Variants in TRIO observed in about 807,000 individuals in gnomAD.
TRIO encodes the protein trio Rho guanine nucleotide exchange factor.
TRIO carries 58 observed loss-of-function variants against 351.9 expected under a neutral mutation model. The observed-to-expected ratio is 0.16, with a 90% CI of 0.13 to 0.21. The LOEUF is 0.21. Among genes scored for constraint, TRIO ranks in the 10% least tolerant of loss-of-function variants. The pLI is 1.00. For synonymous variants in TRIO, 1,758 were observed against 1,595.7 expected (o/e 1.10, Z -2.42); for missense variants, 3,201 against 4,027.8 (o/e 0.79, Z 5.56).
In TRIO at chr5:14,287,225, GA is replaced by G. The variant is rs1339595697; in HGVS notation, c.540+163del. On this transcript the variant is annotated intron_variant, in intron 4 of 56. Transcript: ENST00000344204. Reference sequence around the variant, plus strand: ...AAATTAGTTACTGCATGAAATAACAGAGCTGCGTTCATCATCCGAGTGGATT... The same window carrying G: ...AAATTAGTTACTGCATGAAATAACAGGCTGCGTTCATCATCCGAGTGGATT... The G allele has an allele frequency of 8.6e-6, 6 of 698,986 alleles. No individual in the cohort carries two copies. The African/African-American group carries it at 1.1e-4, about 13-fold the overall frequency. The allele number at this position is 698,986 out of a possible 1,614,324, so 43.3% of individuals were successfully genotyped here.
chr5:14,304,657 C>G, intron 8 of TRIO, 65 bp downstream of exon 8: 1 of 1,506,460 alleles, frequency 6.6e-7, no homozygotes, highest in South Asian at 1.3e-5. Context: ...ACACCGGAAG[C>G]TAGAAAAAAA....
intron 1 of TRIO, among the ~76,000 whole-genome samples, chr5:14,146,762 G>C (rs927828174): frequency 1.3e-5 from 2 of 152,196 alleles, no homozygotes; most frequent in African/African-American, 4.8e-5. Context: ...CTTTCTCTGA[G>C]TCCTCAGTGC....
intron 9 of TRIO, among the ~76,000 whole-genome samples, chr5:14,323,968 G>T (rs894388368): frequency 3.3e-5 from 5 of 152,124 alleles, no homozygotes; most frequent in Non-Finnish European, 7.3e-5. Context: ...TGGTTTAACC[G>T]ATCTGAAATG....
intron 1 of TRIO, among the ~76,000 whole-genome samples, chr5:14,179,449 CT>C (rs1166814399): frequency 0.044 from 6,311 of 142,660 alleles, 410 homozygotes; most frequent in African/African-American, 0.15. Flanking sequence ...ATCAACAAAG[CT>C]TTTTTTTTTT....
chr5:14,152,213 T>C (rs916151636), intron 1 of TRIO, among the ~76,000 whole-genome samples: 6 of 152,214 alleles, frequency 3.9e-5, no homozygotes, highest in African/African-American at 1.4e-4. Context: ...TTTAAGTTCA[T>C]GATTATGAGA....
rs187180517 is a variant in TRIO at position 14,254,143 on chromosome 5, C to T, written c.158-16682C>T. Among the ~76,000 whole-genome samples the T allele has an allele frequency of 2.4e-4, 37 of 152,118 alleles. 1 individual carries two copies. The East Asian group carries it at 4.3e-3, about 17-fold the overall frequency. ...ATAGTAAAGTAAGTAATAAATAGAA[C>T]CCACGTAATGCAGAAGCTCCTTGGA... On this transcript the variant is annotated intron_variant, in intron 1 of 56. Transcript: ENST00000344204.
intron 17 of TRIO, 88 bp from the exon 18 acceptor site, chr5:14,369,286 C>G: frequency 6.7e-7 from 1 of 1,498,854 alleles, no homozygotes; most frequent in Non-Finnish European, 8.9e-7. Context: ...CATCTTCATC[C>G]CCAGAGCCCG....
At chr5:14,229,990 G>A (rs914043875) in intron 1 of TRIO, among the ~76,000 whole-genome samples, 2 of 152,228 alleles carry the variant, frequency 1.3e-5, no homozygotes, top group Non-Finnish European at 2.9e-5. Context: ...TCCTAATGAA[G>A]GACTTGTGAC....
chr5:14,211,987 A>C (rs937805143), intron 1 of TRIO, among the ~76,000 whole-genome samples: 1 of 151,506 alleles, frequency 6.6e-6, no homozygotes, highest in African/African-American at 2.4e-5. Flanking sequence ...ACAAACAAAC[A>C]AAAAAACCAG....
chr5:14,170,008 G>GGGGAGA (rs530753082), intron 1 of TRIO, among the ~76,000 whole-genome samples: 12 of 152,162 alleles, frequency 7.9e-5, no homozygotes, highest in Non-Finnish European at 8.8e-5. Flanking sequence ...CAATGAAATT[G>GGGGAGA]GGGAGAGGGA....
At chr5:14,345,374 T>A (rs540513115) in intron 11 of TRIO, among the ~76,000 whole-genome samples, 1 of 152,234 alleles carries the variant, frequency 6.6e-6, no homozygotes, top group African/African-American at 2.4e-5. Context: ...GACTGTCCAC[T>A]GACTTCAGAT....
intron 41 of TRIO, among the ~76,000 whole-genome samples, chr5:14,478,713 G>A (rs1477841723): frequency 6.6e-6 from 1 of 151,300 alleles, no homozygotes; most frequent in African/African-American, 2.4e-5. Flanking sequence ...AACACTTTGG[G>A]CAGCCAAGGC....
intron 44 of TRIO, 107 bp from the exon 45 acceptor site, chr5:14,481,434 C>T (rs1208862165): frequency 2.7e-6 from 4 of 1,497,704 alleles, no homozygotes; most frequent in Non-Finnish European, 3.7e-6. Flanking sequence ...GCCCTGCACA[C>T]TAGAGGGTGG....
chr5:14,505,505 T>C (rs564747582), intron 55 of TRIO, among the ~76,000 whole-genome samples: 1 of 152,332 alleles, frequency 6.6e-6, no homozygotes, highest in East Asian at 1.9e-4. Context: ...GTGGGAAGGA[T>C]AGGATTAGCA....
In TRIO at chr5:14,397,106, A is replaced by G. The variant is rs765680821; in HGVS notation, c.4375A>G (p.Ser1459Gly). The G allele has an allele frequency of 2.0e-5, 32 of 1,609,388 alleles. No homozygotes were observed. The highest frequency in any genetic ancestry group is 2.5e-5 in the Non-Finnish European group (30 of 1,178,794). ...TAAAGATGGCCTGGAGGTGATGCTCAGCGTGCCGAAGCGAGCCAATGATGC... is the reference window on the plus strand; with the variant it reads ...TAAAGATGGCCTGGAGGTGATGCTCGGCGTGCCGAAGCGAGCCAATGATGC... ...EIKDGLEVML[S>G]VPKRANDAMH... Residue 1459 changes from serine to glycine, a missense_variant, in exon 29 of 57, where the codon AGC becomes GGC. This residue lies in a region of TRIO where 115 missense variants were observed against 239.6 expected (regional missense o/e 0.48). Transcript: ENST00000344204.
intron 11 of TRIO, among the ~76,000 whole-genome samples, chr5:14,352,201 G>A (rs1743199179): frequency 6.6e-6 from 1 of 152,114 alleles, no homozygotes. Flanking sequence ...CTTCCACCCA[G>A]CCCTCTGGCC....
chr5:14,501,113 A>C (rs534218874), intron 53 of TRIO, among the ~76,000 whole-genome samples: 4 of 152,110 alleles, frequency 2.6e-5, no homozygotes, highest in African/African-American at 9.6e-5. Context: ...CAGTTAAAAA[A>C]AGAAGAAAAA....
chr5:14,499,456 C>T (rs1278897841), intron 53 of TRIO, among the ~76,000 whole-genome samples: 1 of 152,218 alleles, frequency 6.6e-6, no homozygotes, highest in Non-Finnish European at 1.5e-5. Context: ...ATGGAGGTGC[C>T]TCCAGAGGAC....
chr5:14,171,213 G>C (rs1789079168), intron 1 of TRIO, among the ~76,000 whole-genome samples: 1 of 152,090 alleles, frequency 6.6e-6, no homozygotes, highest in Admixed American at 6.5e-5. Context: ...TGACCACAAA[G>C]AACTGTACAC....
Sources: gnomAD v4.1 joint callset for allele counts (sites outside exome capture counted in the v4.1 genomes callset) on GRCh38, gnomAD v4.1.1 for gene constraint, gnomAD v4.1.1 regional missense constraint, MANE v1.5 for transcripts, NCBI Gene and HGNC (gene_info 2026-07-23, HGNC 2026-07-21) for gene names.